Variants in PDE10A observed in about 807,000 individuals in gnomAD.
The protein encoded by PDE10A is phosphodiesterase 10A, also known as cAMP and cAMP-inhibited cGMP 3',5'-cyclic phosphodiesterase 10A.
Under a neutral mutation model 97.7 loss-of-function variants are expected in PDE10A, and 39 were observed. That is an observed-to-expected ratio of 0.40 (90% CI 0.31 to 0.52). PDE10A has a LOEUF of 0.52. PDE10A is among the 20% of genes least tolerant of loss of function. The pLI, the probability that PDE10A is intolerant of heterozygous loss-of-function variation, is 0.56. For synonymous variants in PDE10A, 371 were observed against 376.8 expected, an observed-to-expected ratio of 0.98 and a Z score of 0.18; for missense variants, 731 against 1,047.8, an observed-to-expected ratio of 0.70 and a Z score of 4.17.
chr6:165,661,896 A>T lies in PDE10A; in HGVS notation c.865+51T>A, dbSNP rs1562669129. The T allele has an allele frequency of 2.6e-6, 2 of 755,602 alleles. No individual in the cohort carries two copies. The highest frequency in any genetic ancestry group is 4.6e-6 in the Non-Finnish European group (2 of 435,020). 46.8% of individuals were successfully genotyped at this position (755,602 alleles called of 1,614,324 possible). On this transcript the variant is annotated intron_variant, in intron 1 of 21. Transcript: ENST00000539869. The surrounding 1 kb of genome is among the most constrained non-coding windows in gnomAD (Gnocchi z 4.8). The stretch of plus-strand genomic sequence containing the variant: ...CAGTCCAAGCCCCCCACCTGCCCCC[A>T]GGGGATGAGGAGCCGCCCCACCTCC...
chr6:165,439,600 T>C (rs1300283352), intron 5 of PDE10A, among the ~76,000 whole-genome samples: 1 of 152,168 alleles, frequency 6.6e-6, no homozygotes, highest in Non-Finnish European at 1.5e-5. Context: ...GGCCAGGAAG[T>C]CCTAGGGGAG....
intron 1 of PDE10A, among the ~76,000 whole-genome samples, chr6:165,611,340 C>T (rs1205328002): frequency 1.3e-5 from 2 of 152,154 alleles, no homozygotes; most frequent in Non-Finnish European, 2.9e-5. Flanking sequence ...GAAAACATGT[C>T]CTCCCCTGCT....
chr6:165,798,869 G>C (rs542326847), intron 1 of PDE10A, among the ~76,000 whole-genome samples: 2 of 152,180 alleles, frequency 1.3e-5, no homozygotes, highest in East Asian at 3.9e-4. Context: ...CACCACGCCA[G>C]GCTAATTTTG....
chr6:165,962,423 C>G (rs769788746), intron 1 of PDE10A, among the ~76,000 whole-genome samples: 6 of 152,210 alleles, frequency 3.9e-5, no homozygotes, highest in African/African-American at 4.8e-5. Context: ...AGACGTCCAC[C>G]ATGGAATCAT....
chr6:165,804,201 G>C (rs1779054145), intron 1 of PDE10A, among the ~76,000 whole-genome samples: 1 of 152,136 alleles, frequency 6.6e-6, no homozygotes, highest in African/African-American at 2.4e-5. Context: ...TGTATTTGGG[G>C]GGTGGGCTGA....
At chr6:165,445,819 A>C (rs1300839515) in intron 5 of PDE10A, among the ~76,000 whole-genome samples, 3 of 152,172 alleles carry the variant, frequency 2.0e-5, no homozygotes, top group Non-Finnish European at 4.4e-5. Context: ...CCAAGAAAGA[A>C]ACTAGAAAGG....
intron 1 of PDE10A, among the ~76,000 whole-genome samples, chr6:165,571,941 T>C (rs1213784693): frequency 6.6e-6 from 1 of 152,202 alleles, no homozygotes; most frequent in Admixed American, 6.5e-5. Context: ...CCCTAGTGAC[T>C]AAGAAATGCT....
At chr6:165,800,796 C>T (rs563827563) in intron 1 of PDE10A, among the ~76,000 whole-genome samples, 12 of 152,330 alleles carry the variant, frequency 7.9e-5, no homozygotes, top group Middle Eastern at 3.4e-3. Flanking sequence ...TGATTCTCCA[C>T]GTCTGAAGAC....
intron 1 of PDE10A, among the ~76,000 whole-genome samples, chr6:165,776,952 C>A (rs916747998): frequency 1.3e-5 from 2 of 152,192 alleles, no homozygotes; most frequent in African/African-American, 4.8e-5. Context: ...CAGACACGTG[C>A]AACAAAATTA....
intron 1 of PDE10A, among the ~76,000 whole-genome samples, chr6:165,845,090 G>A (rs551133186): frequency 1.3e-3 from 198 of 152,262 alleles, no homozygotes; most frequent in African/African-American, 4.6e-3. Context: ...GATTTAAAGC[G>A]TTCTTATTGT....
chr6:165,400,482 C>G (rs531706848), intron 13 of PDE10A, among the ~76,000 whole-genome samples: 12 of 152,158 alleles, frequency 7.9e-5, no homozygotes, highest in Admixed American at 7.9e-4. Flanking sequence ...ATATAAAGAG[C>G]TACTAAAAAT....
At chr6:165,783,245 C>A (rs923345746) in intron 1 of PDE10A, among the ~76,000 whole-genome samples, 1 of 152,206 alleles carries the variant, frequency 6.6e-6, no homozygotes, top group Non-Finnish European at 1.5e-5. Context: ...AGTTGCACAG[C>A]CAGCTAGCTG....
At chr6:165,622,585 A>G (rs1248510466) in intron 1 of PDE10A, among the ~76,000 whole-genome samples, 1 of 152,148 alleles carries the variant, frequency 6.6e-6, no homozygotes, top group Non-Finnish European at 1.5e-5. Context: ...ATCTTATGTG[A>G]CCACCATCAT....
chr6:165,372,165 C>A (rs1285773301), intron 18 of PDE10A, among the ~76,000 whole-genome samples: 1 of 147,414 alleles, frequency 6.8e-6, no homozygotes. Flanking sequence ...TGAAAACTGG[C>A]ACAAGACAGG....
At chr6:165,624,374 C>T (rs12199504) in intron 1 of PDE10A, among the ~76,000 whole-genome samples, 45,468 of 152,090 alleles carry the variant, frequency 0.3, 7,785 homozygotes, top group African/African-American at 0.48. Flanking sequence ...TCCAGGTTGA[C>T]TTGAACATTC....
chr6:165,642,409 G>A (rs180998901), intron 1 of PDE10A, among the ~76,000 whole-genome samples: 102 of 152,292 alleles, frequency 6.7e-4, no homozygotes, highest in Non-Finnish European at 1.3e-3. Flanking sequence ...ACTCAACAAA[G>A]GACTCAGGCT....
chr6:165,584,740 G>T (rs943104434), intron 1 of PDE10A, among the ~76,000 whole-genome samples: 4 of 152,174 alleles, frequency 2.6e-5, no homozygotes, highest in African/African-American at 9.7e-5. Flanking sequence ...ACCATGCCCT[G>T]TGACTGAAGT....
intron 21 of PDE10A, 31 bp from the exon 22 acceptor site, chr6:165,333,158 G>T (rs373761725): frequency 6.2e-6 from 8 of 1,285,750 alleles, no homozygotes; most frequent in Non-Finnish European, 9.1e-6. Context: ...TTCAGGAGAA[G>T]CTGAATAAAG....
At chr6:165,716,744 A>G (rs1163055235) in intron 1 of PDE10A, among the ~76,000 whole-genome samples, 1 of 152,238 alleles carries the variant, frequency 6.6e-6, no homozygotes, top group East Asian at 1.9e-4. Flanking sequence ...GGAACTAAGG[A>G]TGGCTCTGAG....
Sources: allele counts gnomAD v4.1 joint callset (sites outside exome capture counted in the v4.1 genomes callset), GRCh38; gene constraint gnomAD v4.1.1; non-coding constraint Gnocchi (gnomAD v3.1); transcripts MANE v1.5; gene names NCBI Gene and HGNC (gene_info 2026-07-23, HGNC 2026-07-21).